DENND2B: variants seen among roughly 807,000 people sequenced by gnomAD.
The protein encoded by DENND2B is DENN domain containing 2B, also known as DENN domain-containing protein 2B.
A neutral mutation model predicts 116.0 loss-of-function variants in DENND2B; 32 were observed. That is an observed-to-expected ratio of 0.28 (90% CI 0.21 to 0.37). The LOEUF (loss-of-function observed/expected upper bound fraction) is 0.37, where lower values mean the gene tolerates loss of function less well. Ranked by LOEUF, DENND2B falls within the 10% of genes least tolerant of loss-of-function variation. DENND2B has a pLI of 1.00. For missense variants in DENND2B, 1,276 were observed against 1,477.7 expected (o/e 0.86, Z 2.24); for synonymous variants, 588 against 583.9 (o/e 1.01, Z -0.10).
chr11:8,765,194 G>C (rs2055470066), intron 1 of DENND2B, among the ~76,000 whole-genome samples: 1 of 152,172 alleles, frequency 6.6e-6, no homozygotes, highest in South Asian at 2.1e-4. Flanking sequence ...CTGGAGCTGA[G>C]ACTGCAGAGA....
At chr11:8,756,766 C>T (rs773622077) in intron 1 of DENND2B, among the ~76,000 whole-genome samples, 1 of 152,152 alleles carries the variant, frequency 6.6e-6, no homozygotes, top group Non-Finnish European at 1.5e-5. Flanking sequence ...ATGCTTTTAG[C>T]CTGATATCCT....
intron 2 of DENND2B, among the ~76,000 whole-genome samples, chr11:8,877,831 A>C (rs1391421554): frequency 6.6e-6 from 1 of 152,210 alleles, no homozygotes; most frequent in Non-Finnish European, 1.5e-5. Context: ...TTCAATAAGC[A>C]TTTATTAAAC....
intron 3 of DENND2B, among the ~76,000 whole-genome samples, chr11:8,727,140 G>A (rs184457345): frequency 1.1e-4 from 17 of 152,204 alleles, no homozygotes; most frequent in East Asian, 3.9e-4. Flanking sequence ...GCAAGTCCCC[G>A]CAGGCTCCTG....
chr11:8,869,011 A>G (rs1489035008), intron 2 of DENND2B, among the ~76,000 whole-genome samples: 1 of 152,248 alleles, frequency 6.6e-6, no homozygotes, highest in Non-Finnish European at 1.5e-5. Flanking sequence ...CTCATCAGCT[A>G]TCCTTAGAGT....
At chr11:8,710,295 A>G (rs2043366895) in intron 11 of DENND2B, among the ~76,000 whole-genome samples, 1 of 152,058 alleles carries the variant, frequency 6.6e-6, no homozygotes, top group Non-Finnish European at 1.5e-5. Context: ...TTCAAAACCT[A>G]ATCCCTTTCC....
At chr11:8,852,687 G>A (rs1469492128) in intron 3 of DENND2B, among the ~76,000 whole-genome samples, 1 of 152,154 alleles carries the variant, frequency 6.6e-6, no homozygotes, top group Non-Finnish European at 1.5e-5. Flanking sequence ...GTACTTTACT[G>A]TGTTACTCCT....
chr11:8,906,994 C>T (rs2064246858), intron 1 of DENND2B, among the ~76,000 whole-genome samples: 1 of 152,110 alleles, frequency 6.6e-6, no homozygotes, highest in South Asian at 2.1e-4. Flanking sequence ...CTTTTTGGCC[C>T]CCTTCACATA....
intron 1 of DENND2B, among the ~76,000 whole-genome samples, chr11:8,756,184 C>T (rs551543826): frequency 5.9e-5 from 9 of 152,196 alleles, no homozygotes; most frequent in African/African-American, 1.9e-4. Context: ...TGTGGCATGA[C>T]CAGAAACTGA....
At chr11:8,835,677 G>A (rs986376406) in intron 4 of DENND2B, 1 of 152,160 alleles carries the variant, frequency 6.6e-6, no homozygotes, top group African/African-American at 2.4e-5. Context: ...CTGAGAATCG[G>A]AGTGCCAGGG....
intron 1 of DENND2B, among the ~76,000 whole-genome samples, chr11:8,891,264 C>T (rs1027281004): frequency 1.5e-4 from 23 of 152,140 alleles, no homozygotes; most frequent in Admixed American, 3.3e-4. Flanking sequence ...AAGGAACAAC[C>T]GGTACCAGCC....
chr11:8,815,391 C>A (rs2134522478), upstream of DENND2B, among the ~76,000 whole-genome samples: 1 of 152,266 alleles, frequency 6.6e-6, no homozygotes, highest in African/African-American at 2.4e-5. Context: ...AACGTTCCCT[C>A]TTCTGGCCTA....
chr11:8,889,318 G>A (rs1020100883), intron 1 of DENND2B, among the ~76,000 whole-genome samples: 13 of 152,228 alleles, frequency 8.5e-5, no homozygotes, highest in Non-Finnish European at 1.3e-4. Flanking sequence ...CAGCATGAGG[G>A]ACACAGAAGA....
intron 2 of DENND2B, among the ~76,000 whole-genome samples, chr11:8,863,626 T>C (rs763737167): frequency 1.3e-5 from 2 of 151,996 alleles, no homozygotes; most frequent in East Asian, 1.9e-4. Context: ...GGGGGAAAAA[T>C]AGCAAAACGG....
chr11:8,876,370 G>T (rs1419577930), upstream of DENND2B, among the ~76,000 whole-genome samples: 1 of 152,064 alleles, frequency 6.6e-6, no homozygotes, highest in Non-Finnish European at 1.5e-5. Flanking sequence ...ACTGAATTGT[G>T]TTACTTATGT....
At chr11:8,769,962 C>T (rs116806959) in intron 1 of DENND2B, among the ~76,000 whole-genome samples, 22 of 152,296 alleles carry the variant, frequency 1.4e-4, no homozygotes, top group African/African-American at 4.8e-4. Flanking sequence ...GAGGCTCCAT[C>T]TCTACAAAAC....
chr11:8,710,752 GGCACAC>G (rs1270553222), intron 11 of DENND2B, 87 bp downstream of exon 11: 359 of 970,088 alleles, frequency 3.7e-4, no homozygotes, highest in Non-Finnish European at 5.0e-4. Context: ...ATTGCAGAAG[GGCACAC>G]ACACACACAC....
intron 4 of DENND2B, among the ~76,000 whole-genome samples, chr11:8,724,336 G>A (rs1307648681): frequency 6.6e-6 from 1 of 152,046 alleles, no homozygotes; most frequent in African/African-American, 2.4e-5. Flanking sequence ...TAATCTGGAG[G>A]TTTCCCTCTA....
chr11:8,729,622 A>C (rs1666089384), intron 3 of DENND2B, among the ~76,000 whole-genome samples: 1 of 152,156 alleles, frequency 6.6e-6, no homozygotes, highest in Admixed American at 6.5e-5. Flanking sequence ...TGCCTGCTTT[A>C]CCTACTCCCA....
At chr11:8,782,886 C>CA (rs66930048) in intron 1 of DENND2B, among the ~76,000 whole-genome samples, 22,970 of 98,200 alleles carry the variant, frequency 0.23, 2,871 homozygotes, top group East Asian at 0.33. Flanking sequence ...GACTCTGTCT[C>CA]AAAAAAAAAA....
Sources: gnomAD v4.1 joint callset for allele counts (sites outside exome capture counted in the v4.1 genomes callset) on GRCh38, gnomAD v4.1.1 for gene constraint, MANE v1.5 for transcripts, NCBI Gene and HGNC (gene_info 2026-07-23, HGNC 2026-07-21) for gene names.